The following HINT1 variants were observed in gnomAD, a reference collection of about 807,000 sequenced individuals.
HINT1 encodes histidine triad nucleotide binding protein 1.
HINT1 carries 12 observed loss-of-function variants against 11.2 expected under a neutral mutation model. The observed-to-expected ratio is 1.07, with a 90% CI of 0.69 to 1.74. The LOEUF is 1.74. HINT1 is among the 40% of genes most tolerant of loss of function. The pLI is 0.00. For synonymous variants in HINT1, 42 were observed against 52.6 expected, an observed-to-expected ratio of 0.80 and a Z score of 0.87; for missense variants, 150 against 161.8, an observed-to-expected ratio of 0.93 and a Z score of 0.40.
At chr5:131,161,395 G>C (rs1755243088) in intron 2 of HINT1, among the ~76,000 whole-genome samples, 2 of 151,702 alleles carry the variant, frequency 1.3e-5, no homozygotes, top group Admixed American at 1.3e-4. Flanking sequence ...CGTGAGGTTG[G>C]GAGTTCGAGA....
rs758826704 is a variant in HINT1, at chr5:131,165,012, C to A, written c.111+83G>T. On this transcript the variant is annotated intron_variant, in intron 1 of 2. Coordinates refer to ENST00000304043, the MANE Select transcript of HINT1 (RefSeq NM_005340.7). ...TCCCGTCGCCGCTACACTCGCGACC[C>A]CTCCTCTCCCTCCGCGAGAAACCCG... 29 of 1,586,622 alleles carry A rather than the reference C, an allele frequency of 1.8e-5. No individual in the cohort carries two copies. In the African/African-American group the frequency reaches 3.8e-4, roughly 21 times the overall value.
chr5:131,164,830 C>G (rs1273647223), intron 1 of HINT1, among the ~76,000 whole-genome samples: 1 of 151,858 alleles, frequency 6.6e-6, no homozygotes, highest in Non-Finnish European at 1.5e-5. Context: ...CGCGCCCAGG[C>G]CCCGCGGTGC....
chr5:131,163,121 G>T (rs1044472073), intron 1 of HINT1, among the ~76,000 whole-genome samples: 1 of 152,188 alleles, frequency 6.6e-6, no homozygotes, highest in African/African-American at 2.4e-5. Flanking sequence ...ACAGGCGTGA[G>T]CTACTGCACC....
In HINT1 at chr5:131,159,279, C is replaced by G; in HGVS notation, c.*168G>C. On this transcript the variant is annotated 3_prime_UTR_variant, in exon 3 of 3. Transcript: ENST00000304043. ...AAAATAACAAATCAAACGCAACACTCAGAGAGACTATAAGCCATGCAACAA... is the reference window on the plus strand; with the variant it reads ...AAAATAACAAATCAAACGCAACACTGAGAGAGACTATAAGCCATGCAACAA... The G allele has an allele frequency of 1.9e-6, 1 of 527,166 alleles. No individual in the cohort carries two copies. Among genetic ancestry groups the G allele is most frequent in the Non-Finnish European group, 3.4e-6 (1 of 295,370 alleles). 32.7% of individuals were successfully genotyped at this position (527,166 alleles called of 1,614,324 possible).
At chr5:131,161,101 G>T (rs1755236733) in intron 2 of HINT1, among the ~76,000 whole-genome samples, 1 of 152,162 alleles carries the variant, frequency 6.6e-6, no homozygotes, top group South Asian at 2.1e-4. Flanking sequence ...ATTTAATTAT[G>T]AATTAGCACG....
chr5:131,161,380 G>A (rs1407589349), intron 2 of HINT1, among the ~76,000 whole-genome samples: 1 of 151,992 alleles, frequency 6.6e-6, no homozygotes, highest in Non-Finnish European at 1.5e-5. Context: ...GAGGCGGGTG[G>A]ATCACGTGAG....
At position 131,159,572 on chromosome 5, in the gene HINT1, C is replaced by A; in HGVS notation, c.256G>T (p.Ala86Ser). ...TAACCCTTATTCAGGCCCAGATCAGCAGCACATTTCTTGCCAACAATCATT... is the reference window on the plus strand; with the variant it reads ...TAACCCTTATTCAGGCCCAGATCAGAAGCACATTTCTTGCCAACAATCATT... ...HLMIVGKKCA[A>S]DLGLNKGYRM... The change falls in exon 3 of 3, where the codon GCT becomes TCT. Residue 86 changes from alanine to serine, a missense_variant. By Grantham distance (99) the Ala-to-Ser change is moderately conservative. Coordinates refer to ENST00000304043, the MANE Select transcript of HINT1 (RefSeq NM_005340.7). 1 of 1,613,552 alleles carries A rather than the reference C, an allele frequency of 6.2e-7. No individual in the cohort carries two copies. The highest frequency in any genetic ancestry group is 8.5e-7 in the Non-Finnish European group (1 of 1,179,674).
rs1755359002 is a variant in HINT1, at chr5:131,164,997, GC to G, written c.111+97del. 2.6e-6 allele frequency: 4 copies of G among 1,546,154 alleles called. No homozygotes were observed. The South Asian group carries it at 4.6e-5, about 18-fold the overall frequency. On this transcript the variant is annotated intron_variant, in intron 1 of 2. Transcript: ENST00000304043. Reference sequence around the variant, plus strand: ...GGCAGCCAGGTCCCCTCCCGTCGCCGCTACACTCGCGACCCCTCCTCTCCCT... The same window carrying G: ...GGCAGCCAGGTCCCCTCCCGTCGCCGTACACTCGCGACCCCTCCTCTCCCT...
At chr5:131,164,937 G>T in intron 1 of HINT1, 158 bp downstream of exon 1, 2 of 1,066,788 alleles carry the variant, frequency 1.9e-6, no homozygotes, top group Admixed American at 2.4e-5. Flanking sequence ...GGAGTGCCCG[G>T]GCCCTGTCCG....
chr5:131,161,085 C>T (rs1755236435), intron 2 of HINT1, among the ~76,000 whole-genome samples: 1 of 152,126 alleles, frequency 6.6e-6, no homozygotes, highest in South Asian at 2.1e-4. Context: ...CTATATTGGT[C>T]ACAACATTTA....
intron 2 of HINT1, among the ~76,000 whole-genome samples, chr5:131,161,595 C>CAAAAAAAAAAAAAAAAAAA (rs1220648384): frequency 3.2e-5 from 2 of 61,652 alleles, no homozygotes; most frequent in Non-Finnish European, 6.9e-5. Flanking sequence ...AACTCCGTCT[C>CAAAAAAAAAAAAAAAAAAA]AAAAAAAAAA....
chr5:131,164,988 C>G, intron 1 of HINT1, 107 bp downstream of exon 1: 1 of 1,508,648 alleles, frequency 6.6e-7, no homozygotes, highest in South Asian at 1.2e-5. Flanking sequence ...CAGGTCCCCT[C>G]CCGTCGCCGC....
At chr5:131,163,533 C>T (rs1755309205) in intron 1 of HINT1, among the ~76,000 whole-genome samples, 1 of 151,944 alleles carries the variant, frequency 6.6e-6, no homozygotes, top group Admixed American at 6.6e-5. Context: ...CCTCTGATTG[C>T]CCTCCCCGTC....
chr5:131,164,642 C>T (rs919487775), intron 1 of HINT1, among the ~76,000 whole-genome samples: 4 of 152,220 alleles, frequency 2.6e-5, no homozygotes, highest in Non-Finnish European at 5.9e-5. Context: ...AACGCCGGGC[C>T]CTGGCAGGCC....
Position 131,159,420 on chromosome 5 carries a change from GA to G in HINT1, c.*26del. ...TTGCCTAACTTAATCATTGCCTAAAGAAGAGAAAATTATCCCCAAAACGTGC... is the reference window on the plus strand; with the variant it reads ...TTGCCTAACTTAATCATTGCCTAAAGAGAGAAAATTATCCCCAAAACGTGC... On this transcript the variant is annotated 3_prime_UTR_variant, in exon 3 of 3. Transcript: ENST00000304043. 6.2e-7 allele frequency: 1 copy of G among 1,604,852 alleles called. No homozygotes were observed. The highest frequency in any genetic ancestry group is 8.5e-7 in the Non-Finnish European group (1 of 1,175,824).
intron 1 of HINT1, among the ~76,000 whole-genome samples, chr5:131,164,714 G>GTT (rs1561538098): frequency 6.6e-6 from 1 of 152,206 alleles, no homozygotes; most frequent in Non-Finnish European, 1.5e-5. Flanking sequence ...GTTTCTCTCT[G>GTT]TCAGGCAGAG....
Position 131,159,470 on chromosome 5 carries a change from G to A in HINT1, c.358C>T (p.Gln120Ter). 1.9e-6 allele frequency: 3 copies of A among 1,612,214 alleles called. No homozygotes were observed. The highest frequency in any genetic ancestry group is 2.5e-6 in the Non-Finnish European group (3 of 1,179,762). ...HVHLHVLGGR[Q>*]MHWPPG ...GCTTAACCAGGAGGCCAATGCATTT[G>A]CCGACCTCCAAGAACATGGAGATGA... Residue 120 changes from glutamine to a stop codon, truncating the protein, a stop_gained, in exon 3 of 3, where the codon CAA (glutamine) becomes TAA (stop). Transcript: ENST00000304043. LOFTEE classifies it high-confidence loss of function.
At chr5:131,161,636 A>C (rs1253277855) in intron 2 of HINT1, among the ~76,000 whole-genome samples, 1 of 151,958 alleles carries the variant, frequency 6.6e-6, no homozygotes, top group Admixed American at 6.6e-5. Context: ...CTGAGGGTTT[A>C]ATGTTATTGC....
At chr5:131,162,474 T>C (rs991214339) in intron 2 of HINT1, 98 bp downstream of exon 2, 5 of 1,567,364 alleles carry the variant, frequency 3.2e-6, no homozygotes, top group Admixed American at 1.8e-5. Context: ...TCCTTAGTAA[T>C]GACCTTAGGA....
Sources: allele counts gnomAD v4.1 joint callset (sites outside exome capture counted in the v4.1 genomes callset), GRCh38; gene constraint gnomAD v4.1.1; transcripts MANE v1.5; gene names NCBI Gene and HGNC (gene_info 2026-07-23, HGNC 2026-07-21).